XRN1: variants seen among roughly 807,000 people sequenced by gnomAD.
XRN1 encodes 5'-3' exoribonuclease 1, also known as strand-exchange protein 1 homolog.
XRN1 carries 67 observed loss-of-function variants against 222.3 expected under a neutral mutation model. The observed-to-expected ratio is 0.30, with a 90% CI of 0.25 to 0.37. XRN1 has a LOEUF of 0.37. Ranked by LOEUF, XRN1 falls within the 10% of genes least tolerant of loss-of-function variation. The pLI, the probability that XRN1 is intolerant of heterozygous loss-of-function variation, is 1.00. For missense variants in XRN1, 1,707 were observed against 2,000.2 expected (o/e 0.85, Z 2.80); for synonymous variants, 643 against 652.4 (o/e 0.99, Z 0.22).
intron 1 of XRN1, among the ~76,000 whole-genome samples, chr3:142,437,863 TC>T (rs572032443): frequency 6.6e-6 from 1 of 152,100 alleles, no homozygotes; most frequent in Non-Finnish European, 1.5e-5. Context: ...AATCTAATAA[TC>T]CAATCAAAAA....
rs780164524 is a variant in XRN1 at position 142,414,282 on chromosome 3, A to C, written c.1446T>G (p.Pro482=). Residue 482 remains proline (P), a synonymous_variant, in exon 14 of 41, where the codon CCT becomes CCG. Coordinates refer to ENST00000392981, the MANE Select transcript of XRN1 (RefSeq NM_001282857.2). ...CAGACAGGAAAGGTGCATAATGATA[A>C]GGATAATACCTATAAAACAAAACTG... ...HGVQSWSWYY[P]YHYAPFLSDI... 1.3e-6 allele frequency: 2 copies of C among 1,586,634 alleles called. No homozygotes were observed. Among genetic ancestry groups the C allele is most frequent in the Admixed American group, 1.8e-5 (1 of 55,556 alleles).
In XRN1 at chr3:142,432,885, T is replaced by C; in HGVS notation, c.84A>G (p.Glu28=). 1 of 1,602,460 alleles carries C rather than the reference T, an allele frequency of 6.2e-7. No homozygotes were observed. The highest frequency in any genetic ancestry group is 8.5e-7 in the Non-Finnish European group (1 of 1,172,998). ...TCATATCCAGGTACAAGTTGTCAAATTCAGGAATCTGAAAAACAAAGAAAA... is the reference window on the plus strand; with the variant it reads ...TCATATCCAGGTACAAGTTGTCAAACTCAGGAATCTGAAAAACAAAGAAAA... ...SEVVKEHQIP[E]FDNLYLDMNG... Residue 28 remains glutamate, a synonymous_variant, in exon 2 of 41, where the codon GAA becomes GAG. Coordinates refer to ENST00000392981, the MANE Select transcript of XRN1 (RefSeq NM_001282857.2).
intron 29 of XRN1, 26 bp from the exon 30 acceptor site, chr3:142,359,957 G>A (rs1432259701): frequency 2.0e-6 from 3 of 1,506,562 alleles, no homozygotes; most frequent in Middle Eastern, 1.8e-4. Context: ...GAGAAAAAGA[G>A]ACACTAAAAA....
At position 142,334,379 on chromosome 3, in the gene XRN1, TA is replaced by T. The variant is rs551813015; in HGVS notation, c.3939+1068del. Among the ~76,000 whole-genome samples, 77 of 151,902 alleles carry T rather than the reference TA, an allele frequency of 5.1e-4. No homozygotes were observed. The South Asian group carries it at 0.013, about 26-fold the overall frequency. On this transcript the variant is annotated intron_variant, in intron 34 of 40. Transcript: ENST00000392981. ...AATATATTACTATAAGAGATCAATTTAAAAAAATATATATTAAAATATGATA... is the reference window on the plus strand; with the variant it reads ...AATATATTACTATAAGAGATCAATTTAAAAAATATATATTAAAATATGATA...
intron 1 of XRN1, chr3:142,435,228 T>G (rs1343240903): frequency 6.6e-6 from 1 of 151,228 alleles, no homozygotes; most frequent in Non-Finnish European, 1.5e-5. Flanking sequence ...ACCCCGTCTC[T>G]ACTAAAAAAA....
intron 29 of XRN1, among the ~76,000 whole-genome samples, chr3:142,360,965 T>C (rs1477909473): frequency 6.6e-6 from 1 of 151,810 alleles, no homozygotes; most frequent in East Asian, 1.9e-4. Context: ...AATATACAAG[T>C]TAATGAGTTT....
chr3:142,371,303 C>T lies in XRN1; in HGVS notation c.3004G>A (p.Ala1002Thr), dbSNP rs771504802. Residue 1002 changes from alanine (A) to threonine (T), a missense_variant, in exon 26 of 41, where the codon GCC becomes ACC. Transcript: ENST00000392981. The part of the protein sequence containing the change: ...ERAPELFSYI[A>T]KNSQEDVFYE... Reference sequence around the variant, plus strand: ...AACACATCCTCTTGGCTATTTTTGGCTATATAACTAAATAGTTCTGGAGCT... The same window carrying T: ...AACACATCCTCTTGGCTATTTTTGGTTATATAACTAAATAGTTCTGGAGCT... 1.1e-5 allele frequency: 18 copies of T among 1,612,894 alleles called. No individual in the cohort carries two copies. Among genetic ancestry groups the T allele is most frequent in the Non-Finnish European group, 1.5e-5 (18 of 1,179,848 alleles).
intron 39 of XRN1, chr3:142,313,285 TAC>T (rs776953029): frequency 4.3e-4 from 519 of 1,210,242 alleles, no homozygotes; most frequent in Non-Finnish European, 5.6e-4. Flanking sequence ...TTTTTTCACT[TAC>T]AGTTTGTTTA....
At chr3:142,422,021 T>C (rs2069055046) in intron 8 of XRN1, among the ~76,000 whole-genome samples, 1 of 152,268 alleles carries the variant, frequency 6.6e-6, no homozygotes, top group East Asian at 1.9e-4. Flanking sequence ...GTAAAACCAA[T>C]AAAGTATGCT....
At chr3:142,405,925 A>T (rs2068317741) in intron 15 of XRN1, among the ~76,000 whole-genome samples, 1 of 152,180 alleles carries the variant, frequency 6.6e-6, no homozygotes, top group Non-Finnish European at 1.5e-5. Flanking sequence ...AAAAAAAACG[A>T]ACAGCCTTAA....
Position 142,426,789 on chromosome 3 carries a change from T to C in XRN1, c.361A>G (p.Thr121Ala), listed in dbSNP as rs780621233. 1.2e-6 allele frequency: 2 copies of C among 1,613,818 alleles called. No homozygotes were observed. The highest frequency in any genetic ancestry group is 1.1e-5 in the South Asian group (1 of 91,068). The change falls in exon 3 of 41, where the codon ACT (threonine) becomes GCT (alanine). Residue 121 changes from threonine (T) to alanine (A), a missense_variant. Thr to Ala is a moderately conservative substitution (Grantham distance 58, BLOSUM62 0). Around this residue, in one of 2 missense-constraint regions of XRN1, gnomAD observed 1,234 missense variants for 1,518.2 expected, o/e 0.81. Transcript: ENST00000392981. Reference sequence around the variant, plus strand: ...TCAAATCTGGCCTCTGTAGGAAGAGTTTCTCCCTTCTCTATTGCCTTTTTA... The same window carrying C: ...TCAAATCTGGCCTCTGTAGGAAGAGCTTCTCCCTTCTCTATTGCCTTTTTA... Reference protein sequence around the residue: ...KIKKAIEKGETLPTEARFDSN... With the variant: ...KIKKAIEKGEALPTEARFDSN...
chr3:142,377,752 A>C (rs933570929), intron 23 of XRN1, among the ~76,000 whole-genome samples: 5 of 152,224 alleles, frequency 3.3e-5, no homozygotes, highest in African/African-American at 4.8e-5. Flanking sequence ...AGTTAAACGT[A>C]TGTAAAGAGA....
intron 21 of XRN1, 99 bp downstream of exon 21, chr3:142,384,424 T>C: frequency 1.1e-6 from 1 of 912,642 alleles, no homozygotes; most frequent in Non-Finnish European, 1.6e-6. Context: ...TATACATTGC[T>C]GAATTAGTCT....
intron 14 of XRN1, among the ~76,000 whole-genome samples, chr3:142,412,998 T>G (rs1186598913): frequency 2.6e-5 from 4 of 152,198 alleles, no homozygotes; most frequent in Non-Finnish European, 4.4e-5. Flanking sequence ...CAGACTTCAT[T>G]TCAGTTCATC....
chr3:142,315,402 TG>T (rs2065186457), intron 39 of XRN1, among the ~76,000 whole-genome samples: 1 of 141,352 alleles, frequency 7.1e-6, no homozygotes, highest in South Asian at 2.1e-4. Context: ...GGCTCAGACT[TG>T]GATTTTGATG....
At chr3:142,410,846 C>G (rs1170869786) in intron 15 of XRN1, among the ~76,000 whole-genome samples, 1 of 152,022 alleles carries the variant, frequency 6.6e-6, no homozygotes, top group African/African-American at 2.4e-5. Context: ...GAGTATCAGT[C>G]AGTAATTTTC....
At chr3:142,351,750 T>C (rs969573542) in intron 32 of XRN1, among the ~76,000 whole-genome samples, 2 of 152,044 alleles carry the variant, frequency 1.3e-5, no homozygotes, top group Non-Finnish European at 2.9e-5. Context: ...ATTACTAATC[T>C]ATATCTCTGA....
At position 142,384,582 on chromosome 3, in the gene XRN1, G is replaced by A. The variant is rs141258147; in HGVS notation, c.2443C>T (p.Arg815Cys). ...TGTTTTGACCACTGTTTCTCTAGAC[G>A]AACTTCACCATTTTGATTTATTTGA... is the stretch of plus-strand genomic sequence containing the variant. ...KYQINQNGEV[R>C]LEKQWSKQVV... is the part of the protein sequence containing the mutation. Residue 815 changes from arginine to cysteine, a missense_variant, in exon 21 of 41, where the codon CGT (arginine) becomes TGT (cysteine). This residue lies in a region of XRN1 where 1,234 missense variants were observed against 1,518.2 expected (regional missense o/e 0.81). Transcript: ENST00000392981. 4 of 1,612,746 alleles carry A rather than the reference G, an allele frequency of 2.5e-6. No individual in the cohort carries two copies. The highest frequency in any genetic ancestry group is 1.7e-5 in the Admixed American group (1 of 59,862).
intron 29 of XRN1, among the ~76,000 whole-genome samples, chr3:142,360,873 C>A (rs78112599): frequency 8.2e-3 from 978 of 118,708 alleles, no homozygotes; most frequent in East Asian, 0.016. Context: ...GACTCCGTCT[C>A]AAAAAAAAAA....
Sources: allele counts gnomAD v4.1 joint callset (sites outside exome capture counted in the v4.1 genomes callset), GRCh38; gene constraint gnomAD v4.1.1; regional missense constraint gnomAD v4.1.1; transcripts MANE v1.5; gene names NCBI Gene and HGNC (gene_info 2026-07-23, HGNC 2026-07-21).